Variants in MLLT3 observed in about 807,000 individuals in gnomAD.
The protein encoded by MLLT3 is protein AF-9.
Under a neutral mutation model 53.2 loss-of-function variants are expected in MLLT3, and 4 were observed. The observed-to-expected ratio is 0.08, with a 90% CI of 0.04 to 0.17. MLLT3 has a LOEUF of 0.17. MLLT3 is among the 10% of genes least tolerant of loss of function. The pLI is 1.00. For missense variants in MLLT3, 569 were observed against 684.0 expected, an observed-to-expected ratio of 0.83 and a Z score of 1.87; for synonymous variants, 283 against 230.6, an observed-to-expected ratio of 1.23 and a Z score of -2.06.
At position 20,448,399 on chromosome 9, in the gene MLLT3, T is replaced by C. The variant is rs1262406045; in HGVS notation, c.277-133A>G. On this transcript the variant is annotated intron_variant, in intron 3 of 10. Transcript: ENST00000380338. The surrounding 1 kb of genome is among the most constrained non-coding windows in gnomAD (Gnocchi z 4.0). ...AACAGCTAAACTGTCAAAGTAGTAC[T>C]GGGAAAAAAAAAAGTATCATGGAAT... 2 of 676,370 alleles carry C rather than the reference T, an allele frequency of 3.0e-6. 1 individual carries two copies. The highest frequency in any genetic ancestry group is 3.7e-5 in the African/African-American group (2 of 54,370). 41.9% of individuals were successfully genotyped at this position (676,370 alleles called of 1,614,324 possible). A position where few individuals can be genotyped will look rare whatever the true frequency, so the allele number is the denominator to read the frequency against.
chr9:20,531,423 A>C (rs1818333814), intron 2 of MLLT3, among the ~76,000 whole-genome samples: 1 of 152,188 alleles, frequency 6.6e-6, no homozygotes, highest in Admixed American at 6.5e-5. Flanking sequence ...GGTGTGAGCC[A>C]CTGTACCTGG....
intron 4 of MLLT3, among the ~76,000 whole-genome samples, chr9:20,429,644 C>T (rs944799240): frequency 6.6e-6 from 1 of 152,118 alleles, no homozygotes; most frequent in African/African-American, 2.4e-5. Flanking sequence ...GCTTGTCAAG[C>T]ACTACATTAA....
chr9:20,588,286 G>A (rs1413973370), intron 2 of MLLT3, among the ~76,000 whole-genome samples: 1 of 149,780 alleles, frequency 6.7e-6, no homozygotes, highest in Non-Finnish European at 1.5e-5. Flanking sequence ...GATGCCTCCA[G>A]CTTTGTTCTT....
intron 3 of MLLT3, among the ~76,000 whole-genome samples, chr9:20,450,178 C>A (rs1179107659): frequency 6.6e-6 from 1 of 152,230 alleles, no homozygotes; most frequent in African/African-American, 2.4e-5. Flanking sequence ...TTCTTCCTCA[C>A]TCACTACAGT....
chr9:20,536,484 C>T (rs2119004212), intron 2 of MLLT3, among the ~76,000 whole-genome samples: 1 of 152,240 alleles, frequency 6.6e-6, no homozygotes, highest in South Asian at 2.1e-4. Context: ...ACTGAGCACG[C>T]CATAAAAACC....
In MLLT3 at chr9:20,343,751, C is replaced by T. The variant is rs973521942; in HGVS notation, c.*2692G>A. 9.3e-6 allele frequency: 2 copies of T among 215,090 alleles called. No individual in the cohort carries two copies. Among genetic ancestry groups the T allele is most frequent in the Non-Finnish European group, 1.9e-5 (2 of 106,694 alleles). The allele number at this position is 215,090 out of a possible 1,614,324, so 13.3% of individuals were successfully genotyped here. On this transcript the variant is annotated 3_prime_UTR_variant, in exon 11 of 11. Transcript: ENST00000380338. ...ATATATGTACACCAAAGAAATTAAA[C>T]CCTGCCATTTTCCCTTTGTGCTTAA...
intron 3 of MLLT3, among the ~76,000 whole-genome samples, chr9:20,451,986 C>T (rs1020719458): frequency 3.9e-5 from 6 of 152,108 alleles, no homozygotes; most frequent in African/African-American, 1.4e-4. Context: ...CTCTACCACC[C>T]CTCTTGACCC....
intron 2 of MLLT3, among the ~76,000 whole-genome samples, chr9:20,470,082 A>G (rs1208929137): frequency 6.6e-6 from 1 of 152,018 alleles, no homozygotes; most frequent in Admixed American, 6.6e-5. Context: ...TTGTTTCCCA[A>G]GTATTATTTT....
intron 2 of MLLT3, among the ~76,000 whole-genome samples, chr9:20,460,036 G>C (rs1644741421): frequency 6.6e-6 from 1 of 152,204 alleles, no homozygotes; most frequent in Non-Finnish European, 1.5e-5. Flanking sequence ...ATTAGTATGA[G>C]TTTCTTAGTT....
chr9:20,369,300 G>A (rs1587164253), intron 5 of MLLT3, among the ~76,000 whole-genome samples: 1 of 152,104 alleles, frequency 6.6e-6, no homozygotes, highest in African/African-American at 2.4e-5. Flanking sequence ...AAGAGATACT[G>A]GTGAAAACTA....
intron 2 of MLLT3, among the ~76,000 whole-genome samples, chr9:20,517,851 A>AG (rs1164388011): frequency 2.0e-5 from 3 of 152,126 alleles, no homozygotes; most frequent in Non-Finnish European, 4.4e-5. Context: ...GAAAAAAAAA[A>AG]GAAAAAAGCG....
intron 9 of MLLT3, among the ~76,000 whole-genome samples, 182 bp from the exon 10 acceptor site, chr9:20,353,778 A>C (rs1461755488): frequency 6.6e-6 from 1 of 152,234 alleles, no homozygotes; most frequent in East Asian, 1.9e-4. Context: ...GTCTTGGACC[A>C]GTCATTACCT....
chr9:20,469,332 T>A (rs921365976), intron 2 of MLLT3, among the ~76,000 whole-genome samples: 2 of 152,152 alleles, frequency 1.3e-5, no homozygotes, highest in Non-Finnish European at 2.9e-5. Flanking sequence ...AAATCAACTG[T>A]TTGCACATTA....
intron 2 of MLLT3, among the ~76,000 whole-genome samples, chr9:20,519,208 A>G (rs1013693361): frequency 2.0e-5 from 3 of 152,206 alleles, no homozygotes; most frequent in Non-Finnish European, 4.4e-5. Context: ...AAACTAGACA[A>G]ATCTGAATAA....
At chr9:20,574,258 G>A (rs980205610) in intron 2 of MLLT3, among the ~76,000 whole-genome samples, 4 of 152,158 alleles carry the variant, frequency 2.6e-5, no homozygotes, top group East Asian at 3.8e-4. Flanking sequence ...AACACTTAGA[G>A]ACACAATAAA....
chr9:20,394,210 G>GT, intron 5 of MLLT3, among the ~76,000 whole-genome samples: 1 of 152,258 alleles, frequency 6.6e-6, no homozygotes, highest in Non-Finnish European at 1.5e-5. Flanking sequence ...AAGGTCCAGG[G>GT]TTGGGGGGAG....
At chr9:20,492,825 G>C (rs1387144435) in intron 2 of MLLT3, among the ~76,000 whole-genome samples, 1 of 151,926 alleles carries the variant, frequency 6.6e-6, no homozygotes, top group African/African-American at 2.4e-5. Context: ...TTATAGATCT[G>C]ATCTTGAAAA....
chr9:20,364,592 A>G (rs949068977), intron 6 of MLLT3, among the ~76,000 whole-genome samples: 1 of 152,174 alleles, frequency 6.6e-6, no homozygotes, highest in East Asian at 1.9e-4. Flanking sequence ...GCAAAACCCA[A>G]ATTTATCTGC....
intron 4 of MLLT3, chr9:20,415,435 C>A: frequency 5.2e-6 from 5 of 966,822 alleles, no homozygotes; most frequent in Non-Finnish European, 6.2e-6. Flanking sequence ...TCCATACTTA[C>A]CATATTTGTG....
Sources: allele counts gnomAD v4.1 joint callset (sites outside exome capture counted in the v4.1 genomes callset), GRCh38; gene constraint gnomAD v4.1.1; non-coding constraint Gnocchi (gnomAD v3.1); transcripts MANE v1.5; gene names NCBI Gene and HGNC (gene_info 2026-07-23, HGNC 2026-07-21).